STKLD1: variants seen among roughly 807,000 people sequenced by gnomAD.
STKLD1 encodes serine/threonine kinase like domain containing 1, also known as serine/threonine kinase-like domain-containing protein STKLD1.
In STKLD1, 79 loss-of-function variants were observed where a neutral mutation model predicts 80.4. The ratio of observed to expected loss-of-function variants is 0.98; its 90% confidence interval spans 0.82 to 1.19. The LOEUF (loss-of-function observed/expected upper bound fraction) is 1.19, where lower values mean the gene tolerates loss of function less well. Ranked by LOEUF, STKLD1 falls within the 50% of genes most tolerant of loss-of-function variation. STKLD1 has a pLI of 0.00. For missense variants in STKLD1, 841 were observed against 856.0 expected, an observed-to-expected ratio of 0.98 and a Z score of 0.22; for synonymous variants, 393 against 357.6, an observed-to-expected ratio of 1.10 and a Z score of -1.12.
Position 133,395,567 on chromosome 9 carries a change from G to C in STKLD1, c.703-33G>C, listed in dbSNP as rs782656905. The C allele has an allele frequency of 2.5e-6, 4 of 1,600,634 alleles. No individual in the cohort carries two copies. The Admixed American group carries it at 6.8e-5, about 27-fold the overall frequency. On this transcript the variant is annotated intron_variant, in intron 8 of 17. Coordinates refer to ENST00000371957, the MANE Select transcript of STKLD1 (RefSeq NM_153710.5). The stretch of plus-strand genomic sequence containing the variant: ...TGGGACCTAGTTTTCATTTACTTAA[G>C]GGAATACACAGAGCTGTCCTCTCTC...
rs201942089 is a variant in STKLD1, at chr9:133,376,482, G to A, written c.9G>A (p.Gly3=). 2.4e-4 allele frequency: 382 copies of A among 1,591,460 alleles called. 1 individual carries two copies. In the East Asian group the frequency reaches 6.9e-3, roughly 29 times the overall value. ML[G]PGSNRRRPTQ... is the part of the protein sequence containing the mutation. ...CGCGGTCGCTACTGATCATGCTTGG[G>A]CCAGGGTCCAATCGCAGGCGCCCCA... The change falls in exon 1 of 18, where the codon GGG becomes GGA. Residue 3 remains glycine (G), a synonymous_variant. Coordinates refer to ENST00000371957, the MANE Select transcript of STKLD1 (RefSeq NM_153710.5).
In STKLD1 at chr9:133,394,716, C is replaced by T; in HGVS notation, c.702+307C>T. On this transcript the variant is annotated intron_variant, in intron 8 of 17. Coordinates refer to ENST00000371957, the MANE Select transcript of STKLD1 (RefSeq NM_153710.5). This position sits in a 1 kb window ranked among gnomAD's most constrained non-coding sequence, Gnocchi z 4.9. The stretch of plus-strand genomic sequence containing the variant: ...GATGGAGAAAAGCCAAGTTCAGGTG[C>T]CCTTGTGAGCATGAAGGCTGCACGG... The T allele has an allele frequency of 2.7e-6, 1 of 377,344 alleles. No homozygotes were observed. The highest frequency in any genetic ancestry group is 5.0e-5 in the East Asian group (1 of 20,036). 23.4% of individuals were successfully genotyped at this position (377,344 alleles called of 1,614,324 possible). A position where few individuals can be genotyped will look rare whatever the true frequency, so the allele number is the denominator to read the frequency against.
chr9:133,388,796 G>A (rs2130282894), intron 5 of STKLD1: 62 of 985,312 alleles, frequency 6.3e-5, no homozygotes, highest in Non-Finnish European at 6.9e-5. Flanking sequence ...GGGGGACCAT[G>A]TACCCCTGAG....
At chr9:133,392,001 A>G (rs1244603299) in intron 7 of STKLD1, among the ~76,000 whole-genome samples, 1 of 151,124 alleles carries the variant, frequency 6.6e-6, no homozygotes, top group Non-Finnish European at 1.5e-5. Context: ...GGCCAGAGAA[A>G]GGGGGCTGGA....
chr9:133,389,542 T>C lies in STKLD1; in HGVS notation c.413T>C (p.Leu138Pro). ...CTCCCCCAGTGGATGCAGAATGTGC[T>C]GGGCCAGGTGCTGGACGCGCTGGAA... ...IIDSEWMQNV[L>P]GQVLDALEYL... Residue 138 changes from leucine (L) to proline (P), a missense_variant, in exon 6 of 18, where the codon CTG becomes CCG. Leu to Pro is a moderately conservative substitution (Grantham distance 98, BLOSUM62 -3). Transcript: ENST00000371957. This position sits in a 1 kb window ranked among gnomAD's most constrained non-coding sequence, Gnocchi z 6.4. 6.2e-7 allele frequency: 1 copy of C among 1,613,418 alleles called. No individual in the cohort carries two copies. Among genetic ancestry groups the C allele is most frequent in the Non-Finnish European group, 8.5e-7 (1 of 1,179,906 alleles).
rs1838672720 is a variant in STKLD1, at chr9:133,400,440, A to T, written c.1109A>T (p.Glu370Val). Residue 370 changes from glutamate to valine, a missense_variant, in exon 12 of 18, where the codon GAG (glutamate) becomes GTG (valine). Glu to Val is a moderately radical substitution (Grantham distance 121, BLOSUM62 -2). Transcript: ENST00000371957. ...CTGCCGTGGCCCCCGGAGCTGGTGG[A>T]GGTGGTGGTCACGACCATGGAGCTA... ...LGLPWPPELV[E>V]VVVTTMELHD... The T allele has an allele frequency of 6.2e-7, 1 of 1,612,942 alleles. No individual in the cohort carries two copies. Among genetic ancestry groups the T allele is most frequent in the African/African-American group, 1.3e-5 (1 of 75,002 alleles).
intron 8 of STKLD1, among the ~76,000 whole-genome samples, chr9:133,395,010 C>A (rs1448548742): frequency 6.6e-6 from 1 of 152,172 alleles, no homozygotes; most frequent in Non-Finnish European, 1.5e-5. Context: ...TTCCTATCCT[C>A]TATATGCAGA....
In STKLD1 at chr9:133,403,922, T is replaced by C. The variant is rs1838774321; in HGVS notation, c.1606T>C (p.Cys536Arg). ...GGCAGCCCGGCCCCTTTCTGCAGGC[T>C]GCATCAAGGAGCAGCAGTTTGAACA... ...GVFWLLSLLG[C>R]IKEQQFEQVV... Residue 536 changes from cysteine (C) to arginine (R), a missense_variant and splice_region_variant, in exon 16 of 18, where the codon TGC (cysteine) becomes CGC (arginine). Coordinates refer to ENST00000371957, the MANE Select transcript of STKLD1 (RefSeq NM_153710.5). The C allele has an allele frequency of 6.2e-7, 1 of 1,606,274 alleles. No homozygotes were observed. Among genetic ancestry groups the C allele is most frequent in the Non-Finnish European group, 8.5e-7 (1 of 1,175,360 alleles).
Position 133,403,952 on chromosome 9 carries a change from G to A in STKLD1, c.1636G>A (p.Val546Met), listed in dbSNP as rs1037334040. The A allele has an allele frequency of 1.1e-5, 18 of 1,609,968 alleles. No homozygotes were observed. Among genetic ancestry groups the A allele is most frequent in the Non-Finnish European group, 1.4e-5 (17 of 1,178,050 alleles). ...CIKEQQFEQV[V>M]ALLLQSIRLC... ...CAAGGAGCAGCAGTTTGAACAAGTGGTGGCGCTGCTCCTGCAAAGCATCCG... is the reference window on the plus strand; with the variant it reads ...CAAGGAGCAGCAGTTTGAACAAGTGATGGCGCTGCTCCTGCAAAGCATCCG... Residue 546 changes from valine to methionine, a missense_variant, in exon 16 of 18, where the codon GTG becomes ATG. By Grantham distance (21) the Val-to-Met change is conservative (BLOSUM62 1). Coordinates refer to ENST00000371957, the MANE Select transcript of STKLD1 (RefSeq NM_153710.5).
chr9:133,401,890 AG>A lies in STKLD1; in HGVS notation c.1339+13del. ...CACCACAACCCAGGGTGTGTCTGCC[AG>A]CCACCTCCTGCCCCACCCACGCTCC... is the stretch of plus-strand genomic sequence containing the variant. On this transcript the variant is annotated intron_variant, in intron 13 of 17. Transcript: ENST00000371957. The A allele has an allele frequency of 1.9e-6, 3 of 1,612,408 alleles. No homozygotes were observed. Among genetic ancestry groups the A allele is most frequent in the Non-Finnish European group, 2.5e-6 (3 of 1,179,816 alleles).
chr9:133,391,166 C>T (rs2130288351), intron 7 of STKLD1, among the ~76,000 whole-genome samples: 2 of 151,382 alleles, frequency 1.3e-5, no homozygotes, highest in African/African-American at 2.4e-5. Context: ...CCCGGCCAGC[C>T]GCCCCGTCCG....
In STKLD1 at chr9:133,402,866, G is replaced by A; in HGVS notation, c.1340-12G>A. The stretch of plus-strand genomic sequence containing the variant: ...GAGGGGCCCTGGGGCCCTCATTCTG[G>A]CTCACCCACAGAGTCAGAGTCACTG... On this transcript the variant is annotated splice_polypyrimidine_tract_variant and intron_variant, in intron 13 of 17. Coordinates refer to ENST00000371957, the MANE Select transcript of STKLD1 (RefSeq NM_153710.5). 6.3e-7 allele frequency: 1 copy of A among 1,594,942 alleles called. No individual in the cohort carries two copies. Among genetic ancestry groups the A allele is most frequent in the Admixed American group, 1.7e-5 (1 of 58,002 alleles).
intron 7 of STKLD1, among the ~76,000 whole-genome samples, chr9:133,392,960 A>C (rs1371155755): frequency 1.5e-5 from 2 of 129,676 alleles, no homozygotes; most frequent in Non-Finnish European, 3.3e-5. Context: ...GGATGAGTGG[A>C]TGGGTGGGTA....
intron 2 of STKLD1, among the ~76,000 whole-genome samples, chr9:133,381,450 CTTTTT>C (rs1248786226): frequency 1.1e-5 from 1 of 91,150 alleles, no homozygotes. Context: ...CACCCAGCCG[CTTTTT>C]TTTTTTTTTT....
rs1554776392 is a variant in STKLD1, at chr9:133,394,347, A to C, written c.640A>C (p.Lys214Gln). Residue 214 changes from lysine to glutamine, a missense_variant, in exon 8 of 18, where the codon AAA (lysine) becomes CAA (glutamine). Coordinates refer to ENST00000371957, the MANE Select transcript of STKLD1 (RefSeq NM_153710.5). This position sits in a 1 kb window ranked among gnomAD's most constrained non-coding sequence, Gnocchi z 4.9. ...PEALNFSFSQ[K>Q]SDIWSLGCII... ...AGCCCTCAACTTCTCCTTCAGCCAG[A>C]AATCAGACATCTGGTCCCTGGGCTG... 1 of 1,613,944 alleles carries C rather than the reference A, an allele frequency of 6.2e-7. No individual in the cohort carries two copies. Among genetic ancestry groups the C allele is most frequent in the East Asian group, 2.2e-5 (1 of 44,866 alleles).
intron 12 of STKLD1, among the ~76,000 whole-genome samples, chr9:133,401,209 G>A (rs782260828): frequency 2.7e-5 from 4 of 150,458 alleles, no homozygotes; most frequent in Non-Finnish European, 5.9e-5. Context: ...CGCACTCTCG[G>A]CTCAATGCAA....
At chr9:133,399,046 G>A (rs587664539) in intron 11 of STKLD1, among the ~76,000 whole-genome samples, 1 of 152,248 alleles carries the variant, frequency 6.6e-6, no homozygotes, top group Admixed American at 6.5e-5. Flanking sequence ...TAGAGAGGGG[G>A]TTTCACCATG....
At position 133,390,944 on chromosome 9, in the gene STKLD1, A is replaced by G; in HGVS notation, c.583+148A>G. On this transcript the variant is annotated intron_variant, in intron 7 of 17. Coordinates refer to ENST00000371957, the MANE Select transcript of STKLD1 (RefSeq NM_153710.5). The surrounding 1 kb of genome is among the most constrained non-coding windows in gnomAD (Gnocchi z 5.1). ...AAAGCCCTGGCCTTGTGTAAACTCC[A>G]AAGAGACCTCCTTTGGGTTGCAACT... is the stretch of plus-strand genomic sequence containing the variant. 1 of 669,094 alleles carries G rather than the reference A, an allele frequency of 1.5e-6. No homozygotes were observed. Among genetic ancestry groups the G allele is most frequent in the Non-Finnish European group, 2.6e-6 (1 of 378,810 alleles). 41.4% of individuals were successfully genotyped at this position (669,094 alleles called of 1,614,324 possible). A position where few individuals can be genotyped will look rare whatever the true frequency, so the allele number is the denominator to read the frequency against.
rs1837955469 is a variant in STKLD1, at chr9:133,376,492, A to C, written c.19A>C (p.Asn7His). The change falls in exon 1 of 18, where the codon AAT becomes CAT. Residue 7 changes from asparagine (N) to histidine (H), a missense_variant. Coordinates refer to ENST00000371957, the MANE Select transcript of STKLD1 (RefSeq NM_153710.5). MLGPGS[N>H]RRRPTQGERG... The stretch of plus-strand genomic sequence containing the variant: ...ACTGATCATGCTTGGGCCAGGGTCC[A>C]ATCGCAGGCGCCCCACGCAGGGGGA... The C allele has an allele frequency of 1.9e-6, 3 of 1,595,574 alleles. No homozygotes were observed. Among genetic ancestry groups the C allele is most frequent in the East Asian group, 2.3e-5 (1 of 43,550 alleles).
Sources: gnomAD v4.1 joint callset for allele counts (sites outside exome capture counted in the v4.1 genomes callset) on GRCh38, gnomAD v4.1.1 for gene constraint, Gnocchi (gnomAD v3.1) non-coding constraint, MANE v1.5 for transcripts, NCBI Gene and HGNC (gene_info 2026-07-23, HGNC 2026-07-21) for gene names.